ARL15: variants seen among roughly 807,000 people sequenced by gnomAD.
ARL15 encodes the protein ADP-ribosylation factor-like protein 15.
In ARL15, 19 loss-of-function variants were observed where a neutral mutation model predicts 25.2. That is an observed-to-expected ratio of 0.75 (90% CI 0.53 to 1.10). ARL15 has a LOEUF of 1.10. Ranked by LOEUF, ARL15 falls within the 50% of genes least tolerant of loss-of-function variation. The pLI, the probability that ARL15 is intolerant of heterozygous loss-of-function variation, is 0.00. For synonymous variants in ARL15, 94 were observed against 86.8 expected, an observed-to-expected ratio of 1.08 and a Z score of -0.46; for missense variants, 220 against 246.0, an observed-to-expected ratio of 0.89 and a Z score of 0.71.
At chr5:54,157,375 A>G (rs1405414348) in intron 2 of ARL15, among the ~76,000 whole-genome samples, 1 of 152,162 alleles carries the variant, frequency 6.6e-6, no homozygotes, top group East Asian at 1.9e-4. Flanking sequence ...CGTCTTCAAA[A>G]GTTCACACTA....
At chr5:54,302,683 A>ATTTTTTTT (rs372704359) in intron 1 of ARL15, among the ~76,000 whole-genome samples, 1,175 of 77,782 alleles carry the variant, frequency 0.015, 133 homozygotes, top group African/African-American at 0.04. Context: ...TAAAATTAAG[A>ATTTTTTTT]TTTTTTTTTT....
At chr5:53,902,934 A>G (rs1745118911) in intron 4 of ARL15, among the ~76,000 whole-genome samples, 1 of 152,206 alleles carries the variant, frequency 6.6e-6, no homozygotes, top group Non-Finnish European at 1.5e-5. Flanking sequence ...CAAGGGCAAC[A>G]GGTAACAAAT....
chr5:54,171,382 A>T (rs1314899200), intron 2 of ARL15, among the ~76,000 whole-genome samples: 1 of 152,228 alleles, frequency 6.6e-6, no homozygotes, highest in African/African-American at 2.4e-5. Flanking sequence ...TGACAAGGAA[A>T]GAAGATTCAG....
chr5:54,216,652 C>T (rs1302333228), intron 1 of ARL15, among the ~76,000 whole-genome samples: 1 of 152,004 alleles, frequency 6.6e-6, no homozygotes, highest in Non-Finnish European at 1.5e-5. Context: ...CACACACACA[C>T]ACCTAATTAA....
intron 1 of ARL15, among the ~76,000 whole-genome samples, chr5:54,173,758 A>C (rs1373241624): frequency 6.6e-6 from 1 of 152,090 alleles, no homozygotes; most frequent in Non-Finnish European, 1.5e-5. Flanking sequence ...AAGCCACCCC[A>C]GTGACTTTGC....
At chr5:54,304,161 C>T (rs1758691173) in intron 1 of ARL15, among the ~76,000 whole-genome samples, 2 of 152,190 alleles carry the variant, frequency 1.3e-5, no homozygotes, top group South Asian at 2.1e-4. Flanking sequence ...TGCCTTAACA[C>T]CAAGCTGCCT....
intron 1 of ARL15, among the ~76,000 whole-genome samples, chr5:54,205,330 T>C (rs1755837709): frequency 6.6e-6 from 1 of 152,106 alleles, no homozygotes; most frequent in Non-Finnish European, 1.5e-5. Flanking sequence ...GCTAACAAGA[T>C]CTGGGATTTG....
At chr5:54,099,294 T>A (rs1752370837) in intron 4 of ARL15, among the ~76,000 whole-genome samples, 1 of 152,140 alleles carries the variant, frequency 6.6e-6, no homozygotes, top group Admixed American at 6.6e-5. Context: ...AGAACAAGAC[T>A]TGGTATCAAA....
chr5:54,078,109 A>G (rs1751669805), intron 4 of ARL15, among the ~76,000 whole-genome samples: 8 of 152,196 alleles, frequency 5.3e-5, no homozygotes, highest in Admixed American at 5.2e-4. Context: ...TAATTTGTCT[A>G]TTACTTATAA....
intron 1 of ARL15, among the ~76,000 whole-genome samples, chr5:54,204,205 T>C (rs1291690251): frequency 2.0e-5 from 3 of 152,168 alleles, no homozygotes. Flanking sequence ...GTGATAATTA[T>C]ATTAATAACA....
intron 4 of ARL15, among the ~76,000 whole-genome samples, chr5:53,932,362 C>T (rs986782433): frequency 2.0e-5 from 3 of 152,318 alleles, no homozygotes; most frequent in South Asian, 2.1e-4. Flanking sequence ...AACCGAGCAA[C>T]GCCCACCAGC....
intron 1 of ARL15, among the ~76,000 whole-genome samples, chr5:54,175,139 A>G (rs184244663): frequency 6.6e-6 from 1 of 152,316 alleles, no homozygotes; most frequent in East Asian, 1.9e-4. Flanking sequence ...GTTATCACTC[A>G]TATTTTTGCC....
chr5:54,192,698 A>C (rs140579163), intron 1 of ARL15, among the ~76,000 whole-genome samples: 1 of 151,954 alleles, frequency 6.6e-6, no homozygotes, highest in African/African-American at 2.4e-5. Flanking sequence ...AAAGTTTTCT[A>C]ATCTTTACAA....
intron 4 of ARL15, among the ~76,000 whole-genome samples, chr5:53,925,027 T>C (rs960522047): frequency 6.6e-6 from 1 of 151,496 alleles, no homozygotes; most frequent in Non-Finnish European, 1.5e-5. Flanking sequence ...TTCTACTGCC[T>C]TTAATAAAAT....
At chr5:54,031,359 T>C (rs559731600) in intron 4 of ARL15, among the ~76,000 whole-genome samples, 33 of 152,320 alleles carry the variant, frequency 2.2e-4, no homozygotes, top group Admixed American at 1.4e-3. Context: ...TCAGTCAAAG[T>C]AGATGAATAG....
chr5:54,060,914 A>T (rs561713035), intron 4 of ARL15, among the ~76,000 whole-genome samples: 1 of 152,354 alleles, frequency 6.6e-6, no homozygotes, highest in East Asian at 1.9e-4. Context: ...GAAACAGCAT[A>T]AAAGTTTGAA....
intron 2 of ARL15, among the ~76,000 whole-genome samples, chr5:54,164,737 A>G (rs1284330639): frequency 6.6e-6 from 1 of 151,740 alleles, no homozygotes; most frequent in Non-Finnish European, 1.5e-5. Flanking sequence ...TATTTAATCT[A>G]TTTGTGTCTT....
At chr5:54,165,382 A>G (rs1047413119) in intron 2 of ARL15, among the ~76,000 whole-genome samples, 1 of 151,922 alleles carries the variant, frequency 6.6e-6, no homozygotes, top group African/African-American at 2.4e-5. Flanking sequence ...TTCTTTTAAC[A>G]TTTCTTATAA....
chr5:53,915,903 T>A, intron 4 of ARL15, among the ~76,000 whole-genome samples: 1 of 152,288 alleles, frequency 6.6e-6, no homozygotes, highest in Admixed American at 6.5e-5. Context: ...GGTTCCCAAT[T>A]TGGCTTCTAT....
Sources: gnomAD v4.1 joint callset for allele counts (sites outside exome capture counted in the v4.1 genomes callset) on GRCh38, gnomAD v4.1.1 for gene constraint, MANE v1.5 for transcripts, NCBI Gene and HGNC (gene_info 2026-07-23, HGNC 2026-07-21) for gene names.